Variants in KIRREL3 observed in about 807,000 individuals in gnomAD.
KIRREL3 encodes the protein kirre like nephrin family adhesion molecule 3, also known as kin of IRRE-like protein 3.
In KIRREL3, 36 loss-of-function variants were observed where a neutral mutation model predicts 89.7. That is an observed-to-expected ratio of 0.40 (90% CI 0.31 to 0.53). KIRREL3 has a LOEUF of 0.53. KIRREL3 is among the 20% of genes least tolerant of loss of function. KIRREL3 has a pLI of 0.49. For missense variants in KIRREL3, 864 were observed against 1,056.6 expected, an observed-to-expected ratio of 0.82 and a Z score of 2.53; for synonymous variants, 445 against 441.4, an observed-to-expected ratio of 1.01 and a Z score of -0.10.
In KIRREL3 at chr11:126,484,637, TG is replaced by T. The variant is rs1957301952; in HGVS notation, c.434-11172del. 6.6e-6 allele frequency among the ~76,000 whole-genome samples: 1 copy of T among 152,204 alleles called. No homozygotes were observed. Among genetic ancestry groups the T allele is most frequent in the African/African-American group, 2.4e-5 (1 of 41,442 alleles). ...AAATTAAAAAATGGTAGTGTAAGTA[TG>T]TTTATCTGAAATTCACATTTAACAG... On this transcript the variant is annotated intron_variant, in intron 4 of 16. Transcript: ENST00000525144. The surrounding 1 kb of genome is among the most constrained non-coding windows in gnomAD (Gnocchi z 5.2).
At position 126,694,483 on chromosome 11, in the gene KIRREL3, C is replaced by T. The variant is rs1166972666; in HGVS notation, c.56-131571G>A. ...AATACTGCAGAGGAAGCAGGGCGAG[C>T]GTGGAGAATGATTGCTCAGGCCTCC... On this transcript the variant is annotated intron_variant, in intron 1 of 16. Transcript: ENST00000525144. The surrounding 1 kb of genome is among the most constrained non-coding windows in gnomAD (Gnocchi z 4.4). 6.6e-6 allele frequency among the ~76,000 whole-genome samples: 1 copy of T among 152,064 alleles called. No individual in the cohort carries two copies. Among genetic ancestry groups the T allele is most frequent in the East Asian group, 1.9e-4 (1 of 5,170 alleles).
rs920077973 is a variant in KIRREL3, at chr11:126,609,310, T to TCC, written c.56-46400_56-46399dup. On this transcript the variant is annotated intron_variant, in intron 1 of 16. Transcript: ENST00000525144. The surrounding 1 kb of genome is among the most constrained non-coding windows in gnomAD (Gnocchi z 5.0). ...TTGCAGAGAGGGCTAATGTATGTCT[T>TCC]CCCCCCGGGCTGGTGGCTGGGTTAA... Among the ~76,000 whole-genome samples the TCC allele has an allele frequency of 9.9e-5, 15 of 152,110 alleles. No homozygotes were observed. The highest frequency in any genetic ancestry group is 3.4e-4 in the African/African-American group (14 of 41,412).
chr11:126,956,210 G>C (rs1218177216), intron 1 of KIRREL3, among the ~76,000 whole-genome samples: 1 of 152,172 alleles, frequency 6.6e-6, no homozygotes, highest in African/African-American at 2.4e-5. Flanking sequence ...TGAAGGCCAG[G>C]CATCGAGCCG....
rs1950073888 is a variant in KIRREL3, at chr11:126,773,290, G to A, written c.56-210378C>T. On this transcript the variant is annotated intron_variant, in intron 1 of 16. Transcript: ENST00000525144. This position sits in a 1 kb window ranked among gnomAD's most constrained non-coding sequence, Gnocchi z 4.2. The stretch of plus-strand genomic sequence containing the variant: ...GGGGACTGAGTGAAGTCAATACAGT[G>A]TGGGTCGGCTTTGTCCCATCAGTTC... Among the ~76,000 whole-genome samples, 1 of 152,182 alleles carries A rather than the reference G, an allele frequency of 6.6e-6. No individual in the cohort carries two copies. Among genetic ancestry groups the A allele is most frequent in the African/African-American group, 2.4e-5 (1 of 41,442 alleles).
At chr11:126,757,216 C>T (rs1949532482) in intron 1 of KIRREL3, among the ~76,000 whole-genome samples, 1 of 151,452 alleles carries the variant, frequency 6.6e-6, no homozygotes, top group Admixed American at 6.6e-5. Flanking sequence ...AAAAGCTGTG[C>T]TACATAAAGG....
chr11:126,633,849 C>T (rs1225714144), intron 1 of KIRREL3, among the ~76,000 whole-genome samples: 3 of 152,306 alleles, frequency 2.0e-5, no homozygotes, highest in South Asian at 2.1e-4. Context: ...GTACTGGCAA[C>T]GTATCTACAG....
At chr11:126,967,364 C>T (rs528263473) in intron 1 of KIRREL3, among the ~76,000 whole-genome samples, 2 of 152,280 alleles carry the variant, frequency 1.3e-5, no homozygotes, top group South Asian at 4.2e-4. Context: ...GCTAATGAGA[C>T]CAAAGTCAAC....
rs907243877 is a variant in KIRREL3 at position 126,843,553 on chromosome 11, T to C, written c.55+156902A>G. 5.9e-5 allele frequency among the ~76,000 whole-genome samples: 9 copies of C among 152,148 alleles called. No homozygotes were observed. Among genetic ancestry groups the C allele is most frequent in the African/African-American group, 1.9e-4 (8 of 41,428 alleles). ...ATCAAACCAAAGCATGCCTAAGCGA[T>C]AACTGGAGTCCCGACGGCTAGTGAG... is the stretch of plus-strand genomic sequence containing the variant. On this transcript the variant is annotated intron_variant, in intron 1 of 16. Coordinates refer to ENST00000525144, the MANE Select transcript of KIRREL3 (RefSeq NM_032531.4). The surrounding 1 kb of genome is among the most constrained non-coding windows in gnomAD (Gnocchi z 4.6).
chr11:126,534,532 G>A (rs1156285135), intron 2 of KIRREL3, among the ~76,000 whole-genome samples: 1 of 152,198 alleles, frequency 6.6e-6, no homozygotes, highest in African/African-American at 2.4e-5. Flanking sequence ...CCAGGGTTCT[G>A]AGACAAAGCC....
chr11:126,633,103 A>G (rs1944114314), intron 1 of KIRREL3, among the ~76,000 whole-genome samples: 1 of 152,086 alleles, frequency 6.6e-6, no homozygotes, highest in Non-Finnish European at 1.5e-5. Context: ...TAAACTTAAA[A>G]AATCATTCTC....
At chr11:126,613,355 G>A (rs1480523145) in intron 1 of KIRREL3, among the ~76,000 whole-genome samples, 2 of 152,096 alleles carry the variant, frequency 1.3e-5, no homozygotes, top group African/African-American at 4.8e-5. Context: ...TTTTTCACAC[G>A]GATATTGGAG....
At chr11:126,941,697 C>T (rs1387910715) in intron 1 of KIRREL3, among the ~76,000 whole-genome samples, 1 of 152,198 alleles carries the variant, frequency 6.6e-6, no homozygotes, top group Non-Finnish European at 1.5e-5. Context: ...GTACAAAATA[C>T]TTGCAACTCT....
chr11:126,524,510 T>C (rs1000155724), intron 3 of KIRREL3, among the ~76,000 whole-genome samples: 12 of 152,222 alleles, frequency 7.9e-5, no homozygotes, highest in Admixed American at 4.6e-4. Context: ...CTTTTCTCCC[T>C]CCGGATCGCT....
At chr11:126,852,049 CTTTTTTT>C (rs10579989) in intron 1 of KIRREL3, among the ~76,000 whole-genome samples, 1 of 103,622 alleles carries the variant, frequency 9.7e-6, no homozygotes. Context: ...GGGCTATAAC[CTTTTTTT>C]TTTTTTTTTT....
chr11:126,921,920 A>C (rs1592362802), intron 1 of KIRREL3, among the ~76,000 whole-genome samples: 1 of 150,298 alleles, frequency 6.7e-6, no homozygotes, highest in East Asian at 2.0e-4. Context: ...CTTCCTATCT[A>C]TCTATCCATC....
chr11:126,557,411 G>A lies in KIRREL3; in HGVS notation c.133+5424C>T, dbSNP rs529552743. 8.5e-5 allele frequency among the ~76,000 whole-genome samples: 13 copies of A among 152,310 alleles called. No individual in the cohort carries two copies. Among genetic ancestry groups the A allele is most frequent in the African/African-American group, 2.6e-4 (11 of 41,568 alleles). The stretch of plus-strand genomic sequence containing the variant: ...GCTGTGAGAACAGGGTGTGGGCTGG[G>A]TGTTGAGATCCAAGATAGATTTTTG... On this transcript the variant is annotated intron_variant, in intron 2 of 16. Transcript: ENST00000525144. This position sits in a 1 kb window ranked among gnomAD's most constrained non-coding sequence, Gnocchi z 5.6.
rs1406611589 is a variant in KIRREL3, at chr11:126,653,694, C to T, written c.56-90782G>A. On this transcript the variant is annotated intron_variant, in intron 1 of 16. Transcript: ENST00000525144. The surrounding 1 kb of genome is among the most constrained non-coding windows in gnomAD (Gnocchi z 5.4). ...TGTGACACGCCAGGGCAATGAGAAA[C>T]GGGAGGGGCTGCGTGAGACATGGCA... is the stretch of plus-strand genomic sequence containing the variant. Among the ~76,000 whole-genome samples the T allele has an allele frequency of 1.3e-5, 2 of 152,080 alleles. No individual in the cohort carries two copies. Among genetic ancestry groups the T allele is most frequent in the African/African-American group, 2.4e-5 (1 of 41,412 alleles).
intron 1 of KIRREL3, among the ~76,000 whole-genome samples, chr11:126,859,582 G>A (rs1177354174): frequency 1.3e-5 from 2 of 152,188 alleles, no homozygotes; most frequent in African/African-American, 4.8e-5. Flanking sequence ...ATAATCTAAT[G>A]AGAGAAGCCA....
chr11:126,998,936 T>C (rs936682463), intron 1 of KIRREL3, among the ~76,000 whole-genome samples: 1 of 151,472 alleles, frequency 6.6e-6, no homozygotes, highest in Non-Finnish European at 1.5e-5. Flanking sequence ...TGTGTGTGTG[T>C]GTGTGTGTGT....
Sources: allele counts gnomAD v4.1 joint callset (sites outside exome capture counted in the v4.1 genomes callset), GRCh38; gene constraint gnomAD v4.1.1; non-coding constraint Gnocchi (gnomAD v3.1); transcripts MANE v1.5; gene names NCBI Gene and HGNC (gene_info 2026-07-23, HGNC 2026-07-21).